Variants in TENT2 observed in about 807,000 individuals in gnomAD.
The protein encoded by TENT2 is terminal nucleotidyltransferase 2.
TENT2 carries 44 observed loss-of-function variants against 72.2 expected under a neutral mutation model. That is an observed-to-expected ratio of 0.61 (90% confidence interval 0.48 to 0.78). The LOEUF is 0.78. Among genes scored for constraint, TENT2 ranks in the 30% least tolerant of loss-of-function variants. The pLI is 0.00. For missense variants in TENT2, 541 were observed against 569.6 expected, an observed-to-expected ratio of 0.95 and a Z score of 0.51; for synonymous variants, 212 against 192.5, an observed-to-expected ratio of 1.10 and a Z score of -0.84.
intron 11 of TENT2, among the ~76,000 whole-genome samples, chr5:79,661,792 G>A (rs373648985): frequency 6.6e-5 from 10 of 152,152 alleles, no homozygotes; most frequent in Middle Eastern, 3.4e-3. Flanking sequence ...ATAAGACAAC[G>A]GTAAAGTTTG....
At chr5:79,660,139 T>C (rs1035186170) in intron 11 of TENT2, among the ~76,000 whole-genome samples, 2 of 152,148 alleles carry the variant, frequency 1.3e-5, no homozygotes, top group African/African-American at 4.8e-5. Flanking sequence ...ATTTTAAATA[T>C]TTTTAAAATT....
At chr5:79,645,634 A>C (rs997599146) in intron 8 of TENT2, among the ~76,000 whole-genome samples, 2 of 152,190 alleles carry the variant, frequency 1.3e-5, no homozygotes, top group Non-Finnish European at 2.9e-5. Context: ...GAAAACAGCA[A>C]AATATACTTG....
At chr5:79,657,468 A>G (rs949394342) in intron 11 of TENT2, among the ~76,000 whole-genome samples, 1 of 152,150 alleles carries the variant, frequency 6.6e-6, no homozygotes, top group Non-Finnish European at 1.5e-5. Context: ...GTAATACACC[A>G]CAACAGGTAA....
At chr5:79,622,171 G>A (rs897848889) in intron 3 of TENT2, among the ~76,000 whole-genome samples, 2 of 151,872 alleles carry the variant, frequency 1.3e-5, no homozygotes, top group African/African-American at 4.8e-5. Context: ...CATCGTGGCG[G>A]GCGCCTGTAG....
At chr5:79,659,553 A>AAAATAT (rs1554086793) in intron 11 of TENT2, among the ~76,000 whole-genome samples, 4 of 26,858 alleles carry the variant, frequency 1.5e-4, no homozygotes, top group Non-Finnish European at 2.2e-4. Context: ...AAAAAAAAAA[A>AAAATAT]ATGTATATAT....
chr5:79,666,152 CTAATT>C (rs1807634745), intron 11 of TENT2, among the ~76,000 whole-genome samples: 1 of 151,350 alleles, frequency 6.6e-6, no homozygotes, highest in Non-Finnish European at 1.5e-5. Flanking sequence ...CCATGTCCAG[CTAATT>C]TTTGTATTTT....
chr5:79,643,518 C>T (rs1948764), intron 7 of TENT2, among the ~76,000 whole-genome samples: 31,582 of 152,040 alleles, frequency 0.21, 4,909 homozygotes, highest in African/African-American at 0.43. Flanking sequence ...GTTGAAGTTA[C>T]ACTGTGTGAT....
At chr5:79,624,740 ATTCC>A (rs755537352) in intron 4 of TENT2, among the ~76,000 whole-genome samples, 1 of 152,156 alleles carries the variant, frequency 6.6e-6, no homozygotes. Flanking sequence ...TCAGTACTTC[ATTCC>A]TTTTTATAGC....
At chr5:79,639,220 A>G (rs543813645) in intron 4 of TENT2, among the ~76,000 whole-genome samples, 1 of 152,184 alleles carries the variant, frequency 6.6e-6, no homozygotes, top group East Asian at 1.9e-4. Context: ...GGTATTCTCA[A>G]TTTTCTTAGT....
chr5:79,653,273 C>T (rs1795518657), intron 10 of TENT2, among the ~76,000 whole-genome samples: 1 of 151,992 alleles, frequency 6.6e-6, no homozygotes, highest in African/African-American at 2.4e-5. Context: ...TTGCTTGAGG[C>T]CAGGAGTTTG....
chr5:79,677,162 A>T (rs1817915093), intron 12 of TENT2, among the ~76,000 whole-genome samples: 1 of 152,260 alleles, frequency 6.6e-6, no homozygotes, highest in African/African-American at 2.4e-5. Context: ...AGAAATATTT[A>T]AAAGTTCTTT....
chr5:79,648,963 G>A lies in TENT2; in HGVS notation c.899-99G>A, dbSNP rs764568946. ...AGACACAGTGTTTAATATACACGGAGACAGTGTTCTTTGTTTTGGTATGGA... is the reference window on the plus strand; with the variant it reads ...AGACACAGTGTTTAATATACACGGAAACAGTGTTCTTTGTTTTGGTATGGA... On this transcript the variant is annotated intron_variant, in intron 9 of 14. Coordinates refer to ENST00000453514, the MANE Select transcript of TENT2 (RefSeq NM_001114394.3). 22 of 1,297,144 alleles carry A rather than the reference G, an allele frequency of 1.7e-5. No individual in the cohort carries two copies. The South Asian group carries it at 2.0e-4, about 12-fold the overall frequency. 80.4% of individuals were successfully genotyped at this position (1,297,144 alleles called of 1,614,324 possible). A position where few individuals can be genotyped will look rare whatever the true frequency, so the allele number is the denominator to read the frequency against.
chr5:79,668,574 T>C, intron 11 of TENT2: 1 of 192,210 alleles, frequency 5.2e-6, no homozygotes, highest in Non-Finnish European at 1.1e-5. Flanking sequence ...GAAATCTATA[T>C]GGTATTGGGT....
rs547456591 is a variant in TENT2, at chr5:79,679,635, G to A, written c.1265G>A (p.Gly422Asp). The change falls in exon 13 of 15, where the codon GGT becomes GAT. Residue 422 changes from glycine to aspartate, a missense_variant. Physicochemically the swap from Gly to Asp is moderately conservative, Grantham distance 94. Coordinates refer to ENST00000453514, the MANE Select transcript of TENT2 (RefSeq NM_001114394.3). ...GCCAAAGCCATTCCAAGGCCTGATG[G>A]TATTGAATGGAGAAATAAATACATC... ...REAKAIPRPD[G>D]IEWRNKYICV... 3 of 1,601,712 alleles carry A rather than the reference G, an allele frequency of 1.9e-6. No individual in the cohort carries two copies. Among genetic ancestry groups the A allele is most frequent in the South Asian group, 2.3e-5 (2 of 88,474 alleles).
At chr5:79,638,121 C>G (rs1781666604) in intron 4 of TENT2, among the ~76,000 whole-genome samples, 1 of 152,102 alleles carries the variant, frequency 6.6e-6, no homozygotes, top group African/African-American at 2.4e-5. Context: ...ACATAGTATT[C>G]AGAAATATAC....
chr5:79,638,843 T>C (rs1690323460), intron 4 of TENT2, among the ~76,000 whole-genome samples: 1 of 152,182 alleles, frequency 6.6e-6, no homozygotes, highest in Non-Finnish European at 1.5e-5. Context: ...CTCTGTCTTT[T>C]GTGGGGTGAG....
chr5:79,617,526 T>TTA (rs1761242611), intron 1 of TENT2: 1 of 152,192 alleles, frequency 6.6e-6, no homozygotes, highest in Non-Finnish European at 1.5e-5. Flanking sequence ...TTTTCTTTTC[T>TTA]TAGATATCTT....
intron 6 of TENT2, 56 bp from the exon 7 acceptor site, chr5:79,642,776 A>G: frequency 7.1e-7 from 1 of 1,400,522 alleles, no homozygotes; most frequent in Non-Finnish European, 9.8e-7. Flanking sequence ...CTTTAGGAAA[A>G]TGAAACATTA....
At chr5:79,635,678 C>T (rs563028440) in intron 4 of TENT2, among the ~76,000 whole-genome samples, 11 of 152,164 alleles carry the variant, frequency 7.2e-5, no homozygotes, top group South Asian at 2.1e-4. Context: ...CCTCAGCCTC[C>T]GGAGTAGCTG....
Sources: allele counts gnomAD v4.1 joint callset (sites outside exome capture counted in the v4.1 genomes callset), GRCh38; gene constraint gnomAD v4.1.1; transcripts MANE v1.5; gene names NCBI Gene and HGNC (gene_info 2026-07-23, HGNC 2026-07-21).